Variants in PPP1R13B observed in about 807,000 individuals in gnomAD.
PPP1R13B encodes the protein protein phosphatase 1 regulatory subunit 13B, also known as apoptosis-stimulating of p53 protein 1.
Under a neutral mutation model 119.8 loss-of-function variants are expected in PPP1R13B, and 44 were observed. That is an observed-to-expected ratio of 0.37 (90% CI 0.29 to 0.47). PPP1R13B has a LOEUF of 0.47. Among genes scored for constraint, PPP1R13B ranks in the 20% least tolerant of loss-of-function variants. The pLI is 0.99. For synonymous variants in PPP1R13B, 542 were observed against 561.5 expected (o/e 0.97, Z 0.49); for missense variants, 1,227 against 1,413.5 (o/e 0.87, Z 2.12).
Position 103,742,923 on chromosome 14 carries a change from C to A in PPP1R13B, c.1151-100G>T, listed in dbSNP as rs1336074813. 7.5e-7 allele frequency: 1 copy of A among 1,341,316 alleles called. No individual in the cohort carries two copies. The highest frequency in any genetic ancestry group is 1.0e-6 in the Non-Finnish European group (1 of 964,616). The allele number at this position is 1,341,316 out of a possible 1,614,324, so 83.1% of individuals were successfully genotyped here. ...GAAACAAAAACAGCACTGGGACATC[C>A]CATTCTGATGCAGATCCATTAACCG... is the stretch of plus-strand genomic sequence containing the variant. On this transcript the variant is annotated intron_variant, in intron 9 of 16. Transcript: ENST00000202556. The surrounding 1 kb of genome is among the most constrained non-coding windows in gnomAD (Gnocchi z 4.9).
intron 1 of PPP1R13B, among the ~76,000 whole-genome samples, chr14:103,808,239 C>CAAA (rs59331307): frequency 8.0e-6 from 1 of 124,902 alleles, no homozygotes. Context: ...GACTCTATCT[C>CAAA]AAAAAAAAAA....
Position 103,847,571 on chromosome 14 carries a change from A to G in PPP1R13B, c.-264T>C, listed in dbSNP as rs1200451186. The G allele has an allele frequency of 1.2e-5, 12 of 985,292 alleles. No individual in the cohort carries two copies. Among genetic ancestry groups the G allele is most frequent in the Admixed American group, 1.2e-4 (2 of 16,148 alleles). The allele number at this position is 985,292 out of a possible 1,614,324, so 61.0% of individuals were successfully genotyped here. A position where few individuals can be genotyped will look rare whatever the true frequency, so the allele number is the denominator to read the frequency against. On this transcript the variant is annotated 5_prime_UTR_variant, in exon 1 of 17. Coordinates refer to ENST00000202556, the MANE Select transcript of PPP1R13B (RefSeq NM_015316.3). The stretch of plus-strand genomic sequence containing the variant: ...GCCTCAGCCTCAGCCCCAGCCCGAC[A>G]GCCTGCGGCCCGCCCGCCCGGCTCG...
At chr14:103,821,772 T>C (rs921522436) in intron 1 of PPP1R13B, among the ~76,000 whole-genome samples, 5 of 151,222 alleles carry the variant, frequency 3.3e-5, no homozygotes, top group African/African-American at 1.2e-4. Flanking sequence ...ATAAATAAAA[T>C]AAATAAATAA....
At chr14:103,776,071 T>C (rs1030729438) in intron 4 of PPP1R13B, among the ~76,000 whole-genome samples, 1 of 151,452 alleles carries the variant, frequency 6.6e-6, no homozygotes, top group East Asian at 1.9e-4. Flanking sequence ...AAAAGGTTTA[T>C]AGTTAGATAA....
intron 4 of PPP1R13B, among the ~76,000 whole-genome samples, chr14:103,762,625 A>G (rs2084835729): frequency 6.6e-6 from 1 of 152,058 alleles, no homozygotes; most frequent in Non-Finnish European, 1.5e-5. Flanking sequence ...TGTCACCATA[A>G]TAATATTTGG....
Position 103,736,021 on chromosome 14 carries a change from C to T in PPP1R13B, c.3213G>A (p.Val1071=), listed in dbSNP as rs776489805. 25 of 1,614,054 alleles carry T rather than the reference C, an allele frequency of 1.5e-5. No homozygotes were observed. The highest frequency in any genetic ancestry group is 1.9e-5 in the Non-Finnish European group (23 of 1,180,024). ...WARLGDREGY[V]PKNLLGLYPR... ...TGCTCACCCCCAGCAGGTTTTTGGGCACATAGCCCTCCCGGTCTCCAAGGC... is the reference window on the plus strand; with the variant it reads ...TGCTCACCCCCAGCAGGTTTTTGGGTACATAGCCCTCCCGGTCTCCAAGGC... Residue 1071 remains valine, a synonymous_variant, in exon 16 of 17, where the codon GTG becomes GTA. Transcript: ENST00000202556.
chr14:103,789,644 G>A (rs571413448), intron 2 of PPP1R13B, among the ~76,000 whole-genome samples: 12 of 152,116 alleles, frequency 7.9e-5, no homozygotes, highest in African/African-American at 2.6e-4. Context: ...CTCTTGAGTA[G>A]CTGGGATTAC....
rs1442027611 is a variant in PPP1R13B at position 103,735,014 on chromosome 14, A to C, written c.*140T>G. On this transcript the variant is annotated 3_prime_UTR_variant, in exon 17 of 17. Transcript: ENST00000202556. Reference sequence around the variant, plus strand: ...AAGGGCCTCACCTGGAAACTGTAGGATTCACATTGTGGACGCTGTCTGCTA... The same window carrying C: ...AAGGGCCTCACCTGGAAACTGTAGGCTTCACATTGTGGACGCTGTCTGCTA... 3 of 940,734 alleles carry C rather than the reference A, an allele frequency of 3.2e-6. No homozygotes were observed. The highest frequency in any genetic ancestry group is 2.1e-4 in the Middle Eastern group (1 of 4,838). The allele number at this position is 940,734 out of a possible 1,614,324, so 58.3% of individuals were successfully genotyped here.
Position 103,740,031 on chromosome 14 carries a change from C to T in PPP1R13B, c.2385G>A (p.Glu795=), listed in dbSNP as rs776802057. 8.7e-6 allele frequency: 14 copies of T among 1,613,830 alleles called. No individual in the cohort carries two copies. The highest frequency in any genetic ancestry group is 6.7e-5 in the African/African-American group (5 of 74,902). ...GCTCCTCTGGTTCGGGGGAAGGTAACTCATTATCATTGGCATCTGATGACG... is the reference window on the plus strand; with the variant it reads ...GCTCCTCTGGTTCGGGGGAAGGTAATTCATTATCATTGGCATCTGATGACG... ...PAPSSDANDN[E]LPSPEPEELI... The change falls in exon 12 of 17, where the codon GAG becomes GAA. Residue 795 remains glutamate (E), a synonymous_variant. Coordinates refer to ENST00000202556, the MANE Select transcript of PPP1R13B (RefSeq NM_015316.3). This position sits in a 1 kb window ranked among gnomAD's most constrained non-coding sequence, Gnocchi z 4.6.
At chr14:103,776,745 G>A (rs543468473) in intron 4 of PPP1R13B, among the ~76,000 whole-genome samples, 4 of 151,896 alleles carry the variant, frequency 2.6e-5, no homozygotes, top group South Asian at 2.1e-4. Context: ...GGCGGTGTGC[G>A]CCTGTAGTCC....
chr14:103,770,708 C>T (rs1479764444), intron 4 of PPP1R13B, among the ~76,000 whole-genome samples: 1 of 152,154 alleles, frequency 6.6e-6, no homozygotes, highest in Non-Finnish European at 1.5e-5. Context: ...TGCTTCCAAC[C>T]TCATGGCTGA....
intron 1 of PPP1R13B, among the ~76,000 whole-genome samples, chr14:103,841,158 G>A (rs898559679): frequency 1.3e-5 from 2 of 152,030 alleles, no homozygotes; most frequent in Non-Finnish European, 2.9e-5. Context: ...GGTGGTACAT[G>A]CCTGTAATCC....
chr14:103,824,039 C>CTT (rs35194586), intron 1 of PPP1R13B, among the ~76,000 whole-genome samples: 2,590 of 75,126 alleles, frequency 0.034, 24 homozygotes, highest in Non-Finnish European at 0.044. Flanking sequence ...CTACCTCATC[C>CTT]TTTTTTTTTT....
chr14:103,773,919 AGTCTTGG>A (rs1005812262), intron 4 of PPP1R13B, among the ~76,000 whole-genome samples: 2 of 152,142 alleles, frequency 1.3e-5, no homozygotes, highest in African/African-American at 4.8e-5. Context: ...GGCACAGTTG[AGTCTTGG>A]GCACCATATG....
At chr14:103,776,739 G>A (rs1444452222) in intron 4 of PPP1R13B, among the ~76,000 whole-genome samples, 2 of 151,870 alleles carry the variant, frequency 1.3e-5, no homozygotes, top group Non-Finnish European at 2.9e-5. Context: ...GGGCGTGGCG[G>A]TGTGCGCCTG....
At chr14:103,744,612 G>A (rs1410029487) in intron 9 of PPP1R13B, among the ~76,000 whole-genome samples, 2 of 152,196 alleles carry the variant, frequency 1.3e-5, no homozygotes, top group Non-Finnish European at 2.9e-5. Flanking sequence ...GCCAACATAC[G>A]GTTTACAAAT....
At position 103,733,471 on chromosome 14, in the gene PPP1R13B, C is replaced by T. The variant is rs2084007767; in HGVS notation, c.*1683G>A. 6.3e-6 allele frequency: 1 copy of T among 159,102 alleles called. No homozygotes were observed. The highest frequency in any genetic ancestry group is 2.4e-5 in the African/African-American group (1 of 41,508). The allele number at this position is 159,102 out of a possible 1,614,324, so 9.9% of individuals were successfully genotyped here. On this transcript the variant is annotated 3_prime_UTR_variant, in exon 17 of 17. Transcript: ENST00000202556. ...AGCCAGTTTACAGCACTTGCCTTAG[C>T]CTGTTTCACAGACTTGTCCACTTAC...
intron 1 of PPP1R13B, among the ~76,000 whole-genome samples, chr14:103,821,669 T>G (rs1317805936): frequency 3.3e-5 from 5 of 152,074 alleles, no homozygotes; most frequent in African/African-American, 1.2e-4. Flanking sequence ...GAGAATTGCT[T>G]GAACCCGGGA....
rs201830690 is a variant in PPP1R13B at position 103,740,004 on chromosome 14, G to A, written c.2412C>T (p.Leu804=). The A allele has an allele frequency of 6.2e-7, 1 of 1,614,154 alleles. No homozygotes were observed. The highest frequency in any genetic ancestry group is 8.5e-7 in the Non-Finnish European group (1 of 1,180,024). ...TTTGGTGGGTGGTTTGGGGACAGAT[G>A]AGCTCCTCTGGTTCGGGGGAAGGTA... ...NELPSPEPEE[L]ICPQTTHQTA... The change falls in exon 12 of 17, where the codon CTC becomes CTT. Residue 804 remains leucine (L), a synonymous_variant. Coordinates refer to ENST00000202556, the MANE Select transcript of PPP1R13B (RefSeq NM_015316.3). This position sits in a 1 kb window ranked among gnomAD's most constrained non-coding sequence, Gnocchi z 4.6.
Sources: gnomAD v4.1 joint callset for allele counts (sites outside exome capture counted in the v4.1 genomes callset) on GRCh38, gnomAD v4.1.1 for gene constraint, Gnocchi (gnomAD v3.1) non-coding constraint, MANE v1.5 for transcripts, NCBI Gene and HGNC (gene_info 2026-07-23, HGNC 2026-07-21) for gene names.